AFAP1: variants seen among roughly 807,000 people sequenced by gnomAD.
AFAP1 encodes actin filament-associated protein 1.
Under a neutral mutation model 93.9 loss-of-function variants are expected in AFAP1, and 75 were observed. That is an observed-to-expected ratio of 0.80 (90% CI 0.66 to 0.97). AFAP1 has a LOEUF of 0.97. Among genes scored for constraint, AFAP1 ranks in the 50% least tolerant of loss-of-function variants. AFAP1 has a pLI of 0.00. For synonymous variants in AFAP1, 517 were observed against 430.7 expected (o/e 1.20, Z -2.48); for missense variants, 1,201 against 1,050.8 (o/e 1.14, Z -1.98).
chr4:7,772,862 C>T lies in AFAP1; in HGVS notation c.2211G>A (p.Leu737=). ...LKKALAGGVT[L]GLAIEPKSGT... is the part of the protein sequence containing the mutation. Reference sequence around the variant, plus strand: ...CTGACTTGGGCTCGATGGCCAGCCCCAGGGTGACTCCGCCCGCCAGCGCTT... The same window carrying T: ...CTGACTTGGGCTCGATGGCCAGCCCTAGGGTGACTCCGCCCGCCAGCGCTT... The change falls in exon 16 of 18, where the codon CTG becomes CTA. Residue 737 remains leucine, a synonymous_variant. Transcript: ENST00000420658. 6.2e-7 allele frequency: 1 copy of T among 1,614,076 alleles called. No individual in the cohort carries two copies. The highest frequency in any genetic ancestry group is 8.5e-7 in the Non-Finnish European group (1 of 1,180,034).
intron 3 of AFAP1, among the ~76,000 whole-genome samples, chr4:7,865,089 TTG>T (rs1716252517): frequency 6.6e-6 from 1 of 152,128 alleles, no homozygotes; most frequent in South Asian, 2.1e-4. Context: ...TAAACTCAGA[TTG>T]TGTTACAAAA....
rs1264713039 is a variant in AFAP1, at chr4:7,795,987, A to G, written c.1267-2161T>C. ...GACATAGAGACGTGTGTGGGTGCATATATGTATGTATGCATGTACGTGTAT... is the reference window on the plus strand; with the variant it reads ...GACATAGAGACGTGTGTGGGTGCATGTATGTATGTATGCATGTACGTGTAT... On this transcript the variant is annotated intron_variant, in intron 10 of 17. Transcript: ENST00000420658. 2.6e-5 allele frequency among the ~76,000 whole-genome samples: 4 copies of G among 152,144 alleles called. No homozygotes were observed. The East Asian group carries it at 5.8e-4, about 22-fold the overall frequency.
chr4:7,808,800 A>C (rs79915092), intron 9 of AFAP1, among the ~76,000 whole-genome samples: 1,655 of 152,104 alleles, frequency 0.011, 25 homozygotes, highest in African/African-American at 0.037. Context: ...GCGAGATCTG[A>C]TGGTTTAAAG....
intron 17 of AFAP1, among the ~76,000 whole-genome samples, chr4:7,767,654 G>A (rs1036985724): frequency 5.9e-5 from 9 of 152,164 alleles, no homozygotes; most frequent in African/African-American, 2.2e-4. Context: ...TGTTCTGGGA[G>A]GCTGGGGACA....
chr4:7,776,539 A>G (rs1199437344), intron 14 of AFAP1: 1 of 152,210 alleles, frequency 6.6e-6, no homozygotes, highest in African/African-American at 2.4e-5. Flanking sequence ...TTGTCCACTC[A>G]GGGACAGCAG....
chr4:7,779,482 G>A (rs1018316802), intron 13 of AFAP1, among the ~76,000 whole-genome samples: 4 of 152,232 alleles, frequency 2.6e-5, no homozygotes, highest in South Asian at 2.1e-4. Flanking sequence ...TCCTGAGACT[G>A]ATACAGGCCA....
At chr4:7,917,465 TTC>T (rs1720148516) in intron 1 of AFAP1, among the ~76,000 whole-genome samples, 1 of 152,150 alleles carries the variant, frequency 6.6e-6, no homozygotes, top group Admixed American at 6.5e-5. Context: ...CACACTCACT[TTC>T]TGTCTTCCAT....
chr4:7,876,651 C>T (rs1020662779), intron 1 of AFAP1, among the ~76,000 whole-genome samples: 2 of 152,234 alleles, frequency 1.3e-5, no homozygotes, highest in African/African-American at 4.8e-5. Flanking sequence ...TGCTCCGAGG[C>T]TTTCCCGGGC....
intron 16 of AFAP1, 43 bp from the exon 17 acceptor site, chr4:7,769,051 G>A (rs1715033262): frequency 1.9e-6 from 3 of 1,540,954 alleles, no homozygotes; most frequent in East Asian, 2.3e-5. Context: ...CGGTTTCTGG[G>A]CCACTGGTAT....
intron 6 of AFAP1, among the ~76,000 whole-genome samples, chr4:7,829,502 G>A (rs561450636): frequency 2.6e-3 from 400 of 152,286 alleles, no homozygotes; most frequent in Non-Finnish European, 5.0e-3. Flanking sequence ...AGTCATCTGA[G>A]AACTCCTTAA....
intron 5 of AFAP1, 197 bp downstream of exon 5, chr4:7,842,942 A>G: frequency 1.7e-6 from 1 of 586,058 alleles, no homozygotes; most frequent in African/African-American, 1.9e-5. Flanking sequence ...GCAACCTTGA[A>G]CACACAACAC....
intron 3 of AFAP1, among the ~76,000 whole-genome samples, chr4:7,855,874 C>A (rs1021228121): frequency 1.3e-5 from 2 of 152,208 alleles, no homozygotes; most frequent in Admixed American, 6.5e-5. Context: ...CCTTCCCCCA[C>A]GCAGGACTGG....
intron 11 of AFAP1, among the ~76,000 whole-genome samples, 183 bp downstream of exon 11, chr4:7,793,498 G>A (rs1718086018): frequency 6.6e-6 from 1 of 152,206 alleles, no homozygotes; most frequent in African/African-American, 2.4e-5. Flanking sequence ...TGCTCGAATA[G>A]AAAACCCAGT....
Position 7,874,520 on chromosome 4 carries a change from T to C in AFAP1, c.-2-2440A>G, listed in dbSNP as rs1334965972. On this transcript the variant is annotated intron_variant, in intron 1 of 17. Transcript: ENST00000420658. ...CTGGGACTACAGGCACCTACCACCA[T>C]GCCCAGCTAATTTTTTTTTTTTTTT... Among the ~76,000 whole-genome samples, 9 of 135,826 alleles carry C rather than the reference T, an allele frequency of 6.6e-5. No individual in the cohort carries two copies. In the South Asian group the frequency reaches 1.2e-3, roughly 18 times the overall value. The allele number at this position is 135,826 out of a possible 152,430, so 89.1% of individuals were successfully genotyped here.
At chr4:7,907,208 T>G (rs1252206955) in intron 1 of AFAP1, among the ~76,000 whole-genome samples, 13 of 152,156 alleles carry the variant, frequency 8.5e-5, no homozygotes, top group Admixed American at 7.2e-4. Flanking sequence ...ACCTTAACAA[T>G]GCTTTTGCTA....
In AFAP1 at chr4:7,872,088, C is replaced by G; in HGVS notation, c.-2-8G>C. On this transcript the variant is annotated splice_region_variant and splice_polypyrimidine_tract_variant and intron_variant, in intron 1 of 17. Transcript: ENST00000420658. ...CTATTAACTCTTCCATTGCTGACAA[C>G]AAAAGAGGAAGAGTATTATTAGACC... 1.2e-6 allele frequency: 2 copies of G among 1,613,620 alleles called. No individual in the cohort carries two copies. Among genetic ancestry groups the G allele is most frequent in the Non-Finnish European group, 1.7e-6 (2 of 1,179,858 alleles).
At chr4:7,826,885 G>T (rs1466281850) in intron 6 of AFAP1, among the ~76,000 whole-genome samples, 4 of 152,152 alleles carry the variant, frequency 2.6e-5, no homozygotes, top group Non-Finnish European at 5.9e-5. Context: ...GAATGTCATG[G>T]AAACTCCTGA....
chr4:7,913,264 C>T (rs1357243726), intron 1 of AFAP1, among the ~76,000 whole-genome samples: 1 of 152,014 alleles, frequency 6.6e-6, no homozygotes, highest in African/African-American at 2.4e-5. Flanking sequence ...GTGTTGCACA[C>T]CTGTGGTCCC....
At chr4:7,784,210 AT>A (rs2148990748) in intron 12 of AFAP1, among the ~76,000 whole-genome samples, 1 of 152,074 alleles carries the variant, frequency 6.6e-6, no homozygotes, top group East Asian at 1.9e-4. Flanking sequence ...AAAGGAGGAG[AT>A]TCACTGGACC....
Sources: allele counts gnomAD v4.1 joint callset (sites outside exome capture counted in the v4.1 genomes callset), GRCh38; gene constraint gnomAD v4.1.1; transcripts MANE v1.5; gene names NCBI Gene and HGNC (gene_info 2026-07-23, HGNC 2026-07-21).